CTNNA3: variants seen among roughly 807,000 people sequenced by gnomAD.
CTNNA3 encodes catenin alpha 3.
CTNNA3 carries 76 observed loss-of-function variants against 95.7 expected under a neutral mutation model. The observed-to-expected ratio is 0.79, with a 90% confidence interval of 0.66 to 0.96. The LOEUF (loss-of-function observed/expected upper bound fraction) is 0.96. Among genes scored for constraint, CTNNA3 ranks in the 40% least tolerant of loss-of-function variants. The pLI, the probability that CTNNA3 is intolerant of heterozygous loss-of-function variation, is 0.00. For missense variants in CTNNA3, 1,191 were observed against 1,089.8 expected, an observed-to-expected ratio of 1.09 and a Z score of -1.31; for synonymous variants, 431 against 374.4, an observed-to-expected ratio of 1.15 and a Z score of -1.74.
intron 7 of CTNNA3, among the ~76,000 whole-genome samples, chr10:67,159,346 C>CTATA (rs1173196478): frequency 1.3e-5 from 2 of 152,168 alleles, no homozygotes; most frequent in Non-Finnish European, 2.9e-5. Flanking sequence ...GCCCTTCCTT[C>CTATA]TATAACTCAG....
intron 13 of CTNNA3, among the ~76,000 whole-genome samples, chr10:66,227,349 C>G (rs2131998007): frequency 6.8e-6 from 1 of 146,656 alleles, no homozygotes; most frequent in African/African-American, 2.5e-5. Flanking sequence ...TTGAGGTACA[C>G]TTCTATACTT....
intron 15 of CTNNA3, among the ~76,000 whole-genome samples, chr10:66,037,033 C>T (rs1033936723): frequency 4.6e-5 from 7 of 151,816 alleles, no homozygotes; most frequent in Admixed American, 1.3e-4. Flanking sequence ...CCACCATGCC[C>T]GGCTAATTTT....
At chr10:66,000,413 AT>A (rs1485101588) in intron 15 of CTNNA3, among the ~76,000 whole-genome samples, 1 of 152,148 alleles carries the variant, frequency 6.6e-6, no homozygotes, top group African/African-American at 2.4e-5. Flanking sequence ...AAAATACCAA[AT>A]GTTTTCATAG....
chr10:66,943,607 AAATATAAAGATGTT>A (rs1468913750), intron 7 of CTNNA3, among the ~76,000 whole-genome samples: 1 of 152,024 alleles, frequency 6.6e-6, no homozygotes, highest in Non-Finnish European at 1.5e-5. Context: ...TTTTGTATAA[AAATATAAAGATGTT>A]ATGTGGTAAT....
intron 9 of CTNNA3, among the ~76,000 whole-genome samples, chr10:66,648,335 C>T (rs979220392): frequency 1.3e-5 from 2 of 151,994 alleles, no homozygotes; most frequent in Non-Finnish European, 2.9e-5. Flanking sequence ...CACTCTGGCC[C>T]GCCATGGTGA....
chr10:66,173,060 T>C (rs1351070299), intron 13 of CTNNA3, among the ~76,000 whole-genome samples: 2 of 151,776 alleles, frequency 1.3e-5, no homozygotes, highest in Non-Finnish European at 2.9e-5. Flanking sequence ...AATTCAGAGG[T>C]GGTTGTGAGA....
At chr10:67,009,655 G>T (rs1564828566) in intron 7 of CTNNA3, among the ~76,000 whole-genome samples, 2 of 151,692 alleles carry the variant, frequency 1.3e-5, no homozygotes, top group Non-Finnish European at 2.9e-5. Flanking sequence ...ACAGCTCTTT[G>T]TTGTGTTATT....
At chr10:66,521,938 T>C (rs1841081203) in intron 10 of CTNNA3, among the ~76,000 whole-genome samples, 1 of 152,202 alleles carries the variant, frequency 6.6e-6, no homozygotes, top group Non-Finnish European at 1.5e-5. Flanking sequence ...GCAGCTGATC[T>C]GGGCAAAATG....
chr10:66,547,941 G>T (rs1241750036), intron 10 of CTNNA3, among the ~76,000 whole-genome samples: 1 of 149,204 alleles, frequency 6.7e-6, no homozygotes, highest in Non-Finnish European at 1.5e-5. Context: ...TTAAGATGGA[G>T]TTTCACTCTT....
chr10:66,302,542 A>G (rs2091877074), intron 12 of CTNNA3, among the ~76,000 whole-genome samples: 1 of 152,134 alleles, frequency 6.6e-6, no homozygotes. Context: ...ACTAAATGCA[A>G]TGTGATATTC....
At position 66,360,821 on chromosome 10, in the gene CTNNA3, CTTTCTTTCTTTCTTT is replaced by C. The variant is rs1564897409; in HGVS notation, c.1732+18316_1732+18330del. Among the ~76,000 whole-genome samples the C allele has an allele frequency of 3.0e-4, 16 of 53,952 alleles. No homozygotes were observed. In the East Asian group the frequency reaches 5.0e-3, roughly 17 times the overall value. The allele number at this position is 53,952 out of a possible 152,430, so 35.4% of individuals were successfully genotyped here. A position where few individuals can be genotyped will look rare whatever the true frequency, so the allele number is the denominator to read the frequency against. Reference sequence around the variant, plus strand: ...CCTTCCTTCCTTCCTTCCTTCCTTTCTTTCTTTCTTTCTTTCTTTCTTTCTTTCTTTCTTTCCTTT... The same window carrying C: ...CCTTCCTTCCTTCCTTCCTTCCTTTCCTTTCTTTCTTTCTTTCTTTCCTTT... On this transcript the variant is annotated intron_variant, in intron 12 of 17. Coordinates refer to ENST00000433211, the MANE Select transcript of CTNNA3 (RefSeq NM_013266.4).
At chr10:66,339,749 T>C (rs2092434332) in intron 12 of CTNNA3, among the ~76,000 whole-genome samples, 1 of 151,884 alleles carries the variant, frequency 6.6e-6, no homozygotes, top group South Asian at 2.1e-4. Context: ...GTTGATTTAA[T>C]CTTATTCATA....
At chr10:66,284,337 C>T (rs1010366353) in intron 12 of CTNNA3, among the ~76,000 whole-genome samples, 1 of 151,824 alleles carries the variant, frequency 6.6e-6, no homozygotes, top group Non-Finnish European at 1.5e-5. Flanking sequence ...CCTGATTTAC[C>T]TATGAGGAAA....
chr10:66,417,326 G>A (rs541148049), intron 11 of CTNNA3, among the ~76,000 whole-genome samples: 141 of 151,988 alleles, frequency 9.3e-4, no homozygotes, highest in African/African-American at 3.3e-3. Context: ...CTAGCAAGAG[G>A]AAATAACAAT....
intron 17 of CTNNA3, among the ~76,000 whole-genome samples, chr10:65,962,010 C>A (rs762493010): frequency 6.6e-6 from 1 of 152,078 alleles, no homozygotes; most frequent in Non-Finnish European, 1.5e-5. Context: ...ACCGCCCATT[C>A]GCAGACTCAC....
intron 11 of CTNNA3, among the ~76,000 whole-genome samples, chr10:66,476,580 T>C (rs191686249): frequency 9.8e-4 from 149 of 152,258 alleles, no homozygotes; most frequent in Non-Finnish European, 1.6e-3. Flanking sequence ...GTTATGTATT[T>C]ATCTTATTTG....
rs201679741 is a variant in CTNNA3 at position 66,928,131 on chromosome 10, C to T, written c.1048-152607G>A. 3.7e-6 allele frequency: 6 copies of T among 1,613,956 alleles called. No homozygotes were observed. The Admixed American group carries it at 8.3e-5, about 22-fold the overall frequency. On this transcript the variant is annotated intron_variant, in intron 7 of 17. Transcript: ENST00000433211. ...CGACGGTGGGAGCCACAGAGCCCGG[C>T]CCAGAGACCGATGCTGACGCCGAGC...
chr10:66,429,637 A>G (rs1482307038), intron 11 of CTNNA3, among the ~76,000 whole-genome samples: 1 of 152,174 alleles, frequency 6.6e-6, no homozygotes, highest in African/African-American at 2.4e-5. Flanking sequence ...CATAAACAGA[A>G]CCAAAGACAA....
At chr10:66,599,094 A>G (rs940078464) in intron 10 of CTNNA3, among the ~76,000 whole-genome samples, 1 of 152,052 alleles carries the variant, frequency 6.6e-6, no homozygotes, top group East Asian at 1.9e-4. Flanking sequence ...AAACCCTTGC[A>G]TATACACATT....
Sources: allele counts gnomAD v4.1 joint callset (sites outside exome capture counted in the v4.1 genomes callset), GRCh38; gene constraint gnomAD v4.1.1; transcripts MANE v1.5; gene names NCBI Gene and HGNC (gene_info 2026-07-23, HGNC 2026-07-21).